DGLUCY: variants seen among roughly 807,000 people sequenced by gnomAD.
DGLUCY encodes D-glutamate cyclase.
In DGLUCY, 58 loss-of-function variants were observed where a neutral mutation model predicts 58.5. The ratio of observed to expected loss-of-function variants is 0.99; its 90% CI spans 0.80 to 1.23. The LOEUF is 1.23. Among genes scored for constraint, DGLUCY ranks in the 50% most tolerant of loss-of-function variants. DGLUCY has a pLI of 0.00. For missense variants in DGLUCY, 779 were observed against 784.7 expected (o/e 0.99, Z 0.09); for synonymous variants, 325 against 314.1 (o/e 1.03, Z -0.37).
intron 1 of DGLUCY, among the ~76,000 whole-genome samples, chr14:91,079,431 G>A (rs2044087850): frequency 6.7e-6 from 1 of 149,958 alleles, no homozygotes; most frequent in Admixed American, 6.7e-5. Context: ...CTCGCTCACT[G>A]CAACCTCCGC....
chr14:91,077,624 C>G (rs540719958), intron 1 of DGLUCY, among the ~76,000 whole-genome samples: 1 of 151,212 alleles, frequency 6.6e-6, no homozygotes, highest in Non-Finnish European at 1.5e-5. Flanking sequence ...TAGTGGCATG[C>G]GCCTGTAGTC....
intron 5 of DGLUCY, among the ~76,000 whole-genome samples, chr14:91,171,656 G>A (rs1474465521): frequency 6.6e-6 from 1 of 152,226 alleles, no homozygotes; most frequent in African/African-American, 2.4e-5. Flanking sequence ...TCTTTAGGTG[G>A]TGGCCAAGAC....
At chr14:91,196,244 A>T in intron 9 of DGLUCY, 131 bp from the exon 10 acceptor site, 1 of 691,478 alleles carries the variant, frequency 1.4e-6, no homozygotes, top group Non-Finnish European at 2.5e-6. Flanking sequence ...GGCTTACCTA[A>T]CATGTTCTAC....
At chr14:91,132,720 TG>T (rs1344238181) in intron 1 of DGLUCY, among the ~76,000 whole-genome samples, 2 of 151,482 alleles carry the variant, frequency 1.3e-5, no homozygotes, top group African/African-American at 4.8e-5. Flanking sequence ...TCAGGTAATC[TG>T]CCAGCCTCGG....
intron 1 of DGLUCY, among the ~76,000 whole-genome samples, chr14:91,148,284 A>G (rs1297532339): frequency 6.6e-6 from 1 of 150,996 alleles, no homozygotes; most frequent in African/African-American, 2.4e-5. Context: ...GGCTCACTGC[A>G]ACCTCCACCC....
chr14:91,160,533 A>G lies in DGLUCY; in HGVS notation c.103+136A>G, dbSNP rs901570502. ...GGAAACAGAAAGTAAGAGCAGAATG[A>G]TATTAGCTCTGGTCACTATTTAACT... On this transcript the variant is annotated intron_variant, in intron 3 of 13. Transcript: ENST00000256324. 2.3e-5 allele frequency: 15 copies of G among 654,252 alleles called. No individual in the cohort carries two copies. The African/African-American group carries it at 2.8e-4, about 12-fold the overall frequency. 40.5% of individuals were successfully genotyped at this position (654,252 alleles called of 1,614,324 possible). A position where few individuals can be genotyped will look rare whatever the true frequency, so the allele number is the denominator to read the frequency against.
chr14:91,069,545 G>A (rs573790168), intron 1 of DGLUCY, among the ~76,000 whole-genome samples: 1 of 152,308 alleles, frequency 6.6e-6, no homozygotes, highest in South Asian at 2.1e-4. Context: ...CTCCCAAAGT[G>A]CTGGGATTAC....
intron 1 of DGLUCY, among the ~76,000 whole-genome samples, chr14:91,062,596 TATATATATATATATAAAC>T (rs2043745645): frequency 3.5e-5 from 1 of 28,662 alleles, no homozygotes; most frequent in African/African-American, 1.7e-4. Flanking sequence ...TATATATATA[TATATATATATATATAAAC>T]AATCCTTAGC....
intron 7 of DGLUCY, among the ~76,000 whole-genome samples, chr14:91,179,751 CA>C (rs200673413): frequency 0.018 from 2,473 of 134,496 alleles, 30 homozygotes; most frequent in Middle Eastern, 0.046. Context: ...GTTCCGTCTC[CA>C]AAAAAAAAAA....
intron 1 of DGLUCY, among the ~76,000 whole-genome samples, chr14:91,099,528 CAAAA>C (rs11349730): frequency 1.5e-5 from 2 of 134,632 alleles, no homozygotes; most frequent in Admixed American, 7.5e-5. Context: ...GACCCAATCT[CAAAA>C]AAAAAAAAAA....
At chr14:91,161,826 TTTTA>T (rs1358931820) in intron 3 of DGLUCY, among the ~76,000 whole-genome samples, 12 of 113,976 alleles carry the variant, frequency 1.1e-4, no homozygotes, top group South Asian at 2.8e-4. Context: ...TTTTTTTTTT[TTTTA>T]AATAAAAGTA....
chr14:91,161,424 A>C (rs2140350884), intron 3 of DGLUCY, among the ~76,000 whole-genome samples: 1 of 152,290 alleles, frequency 6.6e-6, no homozygotes, highest in Admixed American at 6.5e-5. Flanking sequence ...ACAATTCTGC[A>C]ATCAAGGTTG....
At chr14:91,173,611 A>G in intron 6 of DGLUCY, 172 bp downstream of exon 6, 1 of 935,950 alleles carries the variant, frequency 1.1e-6, no homozygotes, top group Non-Finnish European at 1.5e-6. Flanking sequence ...TAAGAAGCAG[A>G]CAGGAGTTTG....
At chr14:91,093,975 T>G (rs2044353138) in intron 1 of DGLUCY, among the ~76,000 whole-genome samples, 1 of 152,054 alleles carries the variant, frequency 6.6e-6, no homozygotes, top group Non-Finnish European at 1.5e-5. Flanking sequence ...AAGTGACTGC[T>G]TAACAGGTAT....
intron 1 of DGLUCY, among the ~76,000 whole-genome samples, chr14:91,068,394 C>T (rs370916009): frequency 2.0e-5 from 3 of 152,300 alleles, no homozygotes; most frequent in East Asian, 3.9e-4. Context: ...GGGGGCCGGG[C>T]ACGGTGGCTC....
At chr14:91,192,505 C>T (rs532593730) in intron 9 of DGLUCY, among the ~76,000 whole-genome samples, 10 of 152,290 alleles carry the variant, frequency 6.6e-5, no homozygotes, top group Admixed American at 2.0e-4. Flanking sequence ...CACAGTGACT[C>T]ACGCCTGTAA....
At chr14:91,134,493 A>T (rs1287832927) in intron 1 of DGLUCY, among the ~76,000 whole-genome samples, 1 of 151,112 alleles carries the variant, frequency 6.6e-6, no homozygotes, top group Non-Finnish European at 1.5e-5. Context: ...GCTGGAGTGC[A>T]GTGGCACCCT....
At chr14:91,128,533 A>G (rs367688369) in intron 1 of DGLUCY, among the ~76,000 whole-genome samples, 76 of 152,122 alleles carry the variant, frequency 5.0e-4, no homozygotes, top group African/African-American at 1.7e-3. Flanking sequence ...TAAAAGAAAG[A>G]TCCAGAAAGG....
At chr14:91,220,336 A>T (rs1217277350) in intron 13 of DGLUCY, 1 of 378,688 alleles carries the variant, frequency 2.6e-6, no homozygotes, top group East Asian at 7.3e-5. Flanking sequence ...AGCACCTGGC[A>T]TAGTATCTGG....
Sources: gnomAD v4.1 joint callset for allele counts (sites outside exome capture counted in the v4.1 genomes callset) on GRCh38, gnomAD v4.1.1 for gene constraint, MANE v1.5 for transcripts, NCBI Gene and HGNC (gene_info 2026-07-23, HGNC 2026-07-21) for gene names.